Variants in WDR70 observed in about 807,000 individuals in gnomAD.
The protein encoded by WDR70 is WD repeat-containing protein 70.
A neutral mutation model predicts 88.6 loss-of-function variants in WDR70; 53 were observed. The ratio of observed to expected loss-of-function variants is 0.60; its 90% CI spans 0.48 to 0.75. The LOEUF (loss-of-function observed/expected upper bound fraction) is 0.75, where lower values mean the gene tolerates loss of function less well. WDR70 is among the 30% of genes least tolerant of loss of function. The pLI is 0.00. For missense variants in WDR70, 610 were observed against 823.2 expected (o/e 0.74, Z 3.17); for synonymous variants, 280 against 270.0 (o/e 1.04, Z -0.36).
chr5:37,689,570 G>T (rs1378034163), intron 10 of WDR70, among the ~76,000 whole-genome samples: 3 of 152,212 alleles, frequency 2.0e-5, no homozygotes, highest in East Asian at 1.9e-4. Flanking sequence ...GGCAAACAGG[G>T]TCTGGAGTGG....
intron 7 of WDR70, among the ~76,000 whole-genome samples, chr5:37,463,272 G>GA (rs55961268): frequency 2.1e-5 from 3 of 144,526 alleles, no homozygotes; most frequent in African/African-American, 7.7e-5. Context: ...ATTCTGTATC[G>GA]AAAAAAAAAA....
intron 10 of WDR70, among the ~76,000 whole-genome samples, chr5:37,640,461 T>C (rs1358770570): frequency 1.3e-5 from 2 of 152,210 alleles, no homozygotes; most frequent in Non-Finnish European, 2.9e-5. Context: ...GTGGTTTTTT[T>C]CATTGAGAGA....
chr5:37,468,464 A>G (rs1374722143), intron 7 of WDR70, among the ~76,000 whole-genome samples: 4 of 152,094 alleles, frequency 2.6e-5, no homozygotes, highest in Non-Finnish European at 2.9e-5. Context: ...ATTTTATTTC[A>G]CATATTGACA....
chr5:37,601,125 A>C (rs1186110032), intron 9 of WDR70, among the ~76,000 whole-genome samples: 1 of 152,058 alleles, frequency 6.6e-6, no homozygotes, highest in African/African-American at 2.4e-5. Context: ...AAAGCTATCA[A>C]CTCTGCACTG....
At chr5:37,713,634 T>C (rs922724346) in intron 13 of WDR70, among the ~76,000 whole-genome samples, 4 of 151,968 alleles carry the variant, frequency 2.6e-5, no homozygotes, top group African/African-American at 9.7e-5. Context: ...GTAATACTTA[T>C]TCACTAGGGA....
intron 9 of WDR70, among the ~76,000 whole-genome samples, chr5:37,531,818 CT>C (rs147719349): frequency 0.17 from 25,080 of 148,108 alleles, 2,183 homozygotes; most frequent in South Asian, 0.27. Flanking sequence ...GCCTGAATAC[CT>C]TTTTTTTTTC....
intron 9 of WDR70, among the ~76,000 whole-genome samples, chr5:37,562,738 A>G (rs1215645230): frequency 1.3e-5 from 2 of 152,048 alleles, no homozygotes; most frequent in South Asian, 2.1e-4. Context: ...GACACCGCAC[A>G]TGTTTCAGAG....
chr5:37,400,681 C>T (rs1749165100), intron 5 of WDR70, among the ~76,000 whole-genome samples: 1 of 152,162 alleles, frequency 6.6e-6, no homozygotes, highest in South Asian at 2.1e-4. Context: ...TCAGCAAATA[C>T]ATCTCTATTG....
At chr5:37,564,150 G>C (rs1269631698) in intron 9 of WDR70, among the ~76,000 whole-genome samples, 2 of 150,966 alleles carry the variant, frequency 1.3e-5, no homozygotes, top group African/African-American at 4.8e-5. Context: ...CTGCAATCTC[G>C]GCACTTTGCG....
At chr5:37,584,341 A>G (rs1030296632) in intron 9 of WDR70, among the ~76,000 whole-genome samples, 1 of 152,218 alleles carries the variant, frequency 6.6e-6, no homozygotes, top group African/African-American at 2.4e-5. Flanking sequence ...TTCTCCATGT[A>G]CAAGAGTTCT....
At chr5:37,543,378 G>GT (rs1741887542) in intron 9 of WDR70, among the ~76,000 whole-genome samples, 1 of 152,094 alleles carries the variant, frequency 6.6e-6, no homozygotes, top group South Asian at 2.1e-4. Flanking sequence ...GAAGAAAAAT[G>GT]TTTTTTTGTT....
intron 5 of WDR70, among the ~76,000 whole-genome samples, chr5:37,417,296 T>C (rs1213030406): frequency 1.3e-5 from 2 of 152,170 alleles, no homozygotes; most frequent in Non-Finnish European, 2.9e-5. Context: ...TGCTCACTAC[T>C]CAGCTGCAGC....
At chr5:37,715,043 T>A (rs1033536291) in intron 13 of WDR70, among the ~76,000 whole-genome samples, 7 of 152,196 alleles carry the variant, frequency 4.6e-5, no homozygotes, top group African/African-American at 1.4e-4. Flanking sequence ...AGTGGTTACC[T>A]TTATTTTATA....
Position 37,678,626 on chromosome 5 carries a change from T to G in WDR70, c.1093-19029T>G, listed in dbSNP as rs574914063. The stretch of plus-strand genomic sequence containing the variant: ...GCTGTTAGTCTGATGGGCTTCCCTT[T>G]GTGGGTAACCCAACCTTTCTCTCTG... On this transcript the variant is annotated intron_variant, in intron 10 of 17. Coordinates refer to ENST00000265107, the MANE Select transcript of WDR70 (RefSeq NM_018034.4). Among the ~76,000 whole-genome samples, 5 of 152,376 alleles carry G rather than the reference T, an allele frequency of 3.3e-5. No individual in the cohort carries two copies. In the South Asian group the frequency reaches 1.0e-3, roughly 32 times the overall value.
At chr5:37,633,634 CT>C (rs1259520503) in intron 10 of WDR70, among the ~76,000 whole-genome samples, 5 of 152,038 alleles carry the variant, frequency 3.3e-5, no homozygotes, top group Middle Eastern at 6.8e-3. Flanking sequence ...TTGAATGGAG[CT>C]TGAATGTCTT....
intron 10 of WDR70, among the ~76,000 whole-genome samples, chr5:37,657,211 A>G (rs1306619519): frequency 6.6e-6 from 1 of 152,144 alleles, no homozygotes; most frequent in Non-Finnish European, 1.5e-5. Context: ...ACCATTCCTC[A>G]CAGCAGGGTC....
At chr5:37,542,294 T>G (rs1406372876) in intron 9 of WDR70, among the ~76,000 whole-genome samples, 10 of 151,536 alleles carry the variant, frequency 6.6e-5, no homozygotes, top group African/African-American at 2.4e-4. Context: ...TTTTTTTTTT[T>G]TGGGACAAAG....
At chr5:37,751,728 A>G (rs994320855) in intron 17 of WDR70, among the ~76,000 whole-genome samples, 2 of 152,244 alleles carry the variant, frequency 1.3e-5, no homozygotes, top group Admixed American at 1.3e-4. Context: ...TCAGAGTAGC[A>G]TGACCAAAAG....
At chr5:37,705,084 A>C (rs943166093) in intron 13 of WDR70, among the ~76,000 whole-genome samples, 1 of 152,186 alleles carries the variant, frequency 6.6e-6, no homozygotes, top group African/African-American at 2.4e-5. Context: ...TTTTGGAAGA[A>C]AGACAGTGAA....
Sources: allele counts gnomAD v4.1 joint callset (sites outside exome capture counted in the v4.1 genomes callset), GRCh38; gene constraint gnomAD v4.1.1; transcripts MANE v1.5; gene names NCBI Gene and HGNC (gene_info 2026-07-23, HGNC 2026-07-21).